The following CPA6 variants were observed in gnomAD, a reference collection of about 807,000 sequenced individuals.
The protein encoded by CPA6 is carboxypeptidase A6, also known as carboxypeptidase B.
In CPA6, 58 loss-of-function variants were observed where a neutral mutation model predicts 63.3. The observed-to-expected ratio is 0.92, with a 90% CI of 0.74 to 1.14. The LOEUF (loss-of-function observed/expected upper bound fraction) is 1.14. Among genes scored for constraint, CPA6 ranks in the 50% most tolerant of loss-of-function variants. The probability of loss-of-function intolerance (pLI) is 0.00; values close to 1 mark genes in which losing one functional copy is unlikely to be tolerated. For synonymous variants in CPA6, 185 were observed against 179.0 expected (o/e 1.03, Z -0.27); for missense variants, 565 against 526.6 (o/e 1.07, Z -0.71).
intron 2 of CPA6, among the ~76,000 whole-genome samples, chr8:67,578,780 ATTAAC>A (rs561367580): frequency 2.6e-5 from 4 of 152,230 alleles, no homozygotes; most frequent in Admixed American, 1.3e-4. Flanking sequence ...CATCATTTTC[ATTAAC>A]TTAAGTTCAG....
intron 2 of CPA6, among the ~76,000 whole-genome samples, chr8:67,598,907 T>C (rs1814417162): frequency 6.6e-6 from 1 of 152,158 alleles, no homozygotes; most frequent in South Asian, 2.1e-4. Context: ...TTAAGTGTTT[T>C]TTTTTAATAC....
At chr8:67,554,618 A>C (rs765802901) in intron 2 of CPA6, among the ~76,000 whole-genome samples, 4 of 152,224 alleles carry the variant, frequency 2.6e-5, no homozygotes, top group African/African-American at 4.8e-5. Context: ...AGCCCTTAGC[A>C]TGACTCAGTC....
At chr8:67,713,808 T>C (rs1428933916) in intron 1 of CPA6, among the ~76,000 whole-genome samples, 1 of 152,208 alleles carries the variant, frequency 6.6e-6, no homozygotes, top group African/African-American at 2.4e-5. Flanking sequence ...TACTGGCCAG[T>C]GGAAGTGCTG....
chr8:67,607,251 T>TCTCCTCCTCCTCCTC (rs1307098146), intron 2 of CPA6, among the ~76,000 whole-genome samples: 22 of 81,150 alleles, frequency 2.7e-4, no homozygotes, highest in South Asian at 4.0e-4. Context: ...TTCTTCTTCT[T>TCTCCTCCTCCTCCTC]CTCCTCCTCC....
intron 2 of CPA6, among the ~76,000 whole-genome samples, chr8:67,551,438 T>C (rs1280086856): frequency 6.6e-6 from 1 of 152,232 alleles, no homozygotes; most frequent in African/African-American, 2.4e-5. Context: ...ATAGTATAGT[T>C]TGAAATCAGG....
At chr8:67,612,757 C>A (rs1424420286) in intron 2 of CPA6, among the ~76,000 whole-genome samples, 1 of 152,124 alleles carries the variant, frequency 6.6e-6, no homozygotes, top group Non-Finnish European at 1.5e-5. Flanking sequence ...GATGAATATG[C>A]AAAAGCTTCT....
intron 6 of CPA6, among the ~76,000 whole-genome samples, chr8:67,501,057 C>T (rs1304763032): frequency 6.6e-6 from 1 of 152,020 alleles, no homozygotes; most frequent in Non-Finnish European, 1.5e-5. Flanking sequence ...ACTTCCTTTG[C>T]CATTCCATAT....
At chr8:67,502,166 A>G (rs1239555350) in intron 6 of CPA6, among the ~76,000 whole-genome samples, 1 of 152,074 alleles carries the variant, frequency 6.6e-6, no homozygotes, top group East Asian at 1.9e-4. Flanking sequence ...AATTTTATCT[A>G]TCTTTTAAAA....
At chr8:67,466,642 A>AT (rs1437962088) in intron 8 of CPA6, among the ~76,000 whole-genome samples, 1 of 152,056 alleles carries the variant, frequency 6.6e-6, no homozygotes, top group African/African-American at 2.4e-5. Flanking sequence ...CATCCCAGAG[A>AT]TTTTGTATGT....
intron 2 of CPA6, among the ~76,000 whole-genome samples, chr8:67,554,793 G>T (rs1034410535): frequency 6.6e-6 from 1 of 152,142 alleles, no homozygotes; most frequent in Non-Finnish European, 1.5e-5. Flanking sequence ...GGCTCTGGGA[G>T]AGAGTGCCCA....
chr8:67,448,117 T>G (rs1810471429), intron 8 of CPA6, among the ~76,000 whole-genome samples: 1 of 152,204 alleles, frequency 6.6e-6, no homozygotes, highest in African/African-American at 2.4e-5. Flanking sequence ...TGTGCTTGTG[T>G]TCATACTTTA....
At chr8:67,548,830 C>T (rs989837884) in intron 2 of CPA6, among the ~76,000 whole-genome samples, 4 of 152,186 alleles carry the variant, frequency 2.6e-5, no homozygotes, top group Admixed American at 2.6e-4. Flanking sequence ...TGTGCAGAAA[C>T]ACCAGCTCAG....
chr8:67,627,511 G>A (rs570399644), intron 1 of CPA6, among the ~76,000 whole-genome samples: 43 of 152,286 alleles, frequency 2.8e-4, no homozygotes, highest in African/African-American at 1.0e-3. Context: ...ACCCTTTGGG[G>A]TTAAGATGAG....
chr8:67,689,873 C>T (rs149846573), intron 1 of CPA6, among the ~76,000 whole-genome samples: 80 of 152,328 alleles, frequency 5.3e-4, no homozygotes, highest in Middle Eastern at 3.4e-3. Flanking sequence ...ATTGGCTGAA[C>T]TAATTTATAT....
At chr8:67,459,731 C>T (rs1237760509) in intron 8 of CPA6, among the ~76,000 whole-genome samples, 1 of 152,130 alleles carries the variant, frequency 6.6e-6, no homozygotes, top group African/African-American at 2.4e-5. Context: ...GAATGAATTC[C>T]AGTGTAAACT....
chr8:67,506,567 T>C (rs1811930171), intron 6 of CPA6, among the ~76,000 whole-genome samples: 1 of 152,176 alleles, frequency 6.6e-6, no homozygotes, highest in Non-Finnish European at 1.5e-5. Context: ...TTCTCTGTAA[T>C]GAGAGCTGCC....
At chr8:67,491,759 T>C (rs756020252) in intron 6 of CPA6, among the ~76,000 whole-genome samples, 12 of 152,216 alleles carry the variant, frequency 7.9e-5, no homozygotes, top group Non-Finnish European at 1.5e-4. Context: ...GGCTCTTATA[T>C]ACACAAATTT....
chr8:67,538,060 T>C (rs1244404518), intron 2 of CPA6, among the ~76,000 whole-genome samples: 1 of 152,198 alleles, frequency 6.6e-6, no homozygotes, highest in African/African-American at 2.4e-5. Flanking sequence ...CTGTTTGTTA[T>C]GATTTCTGTT....
chr8:67,533,330 T>A (rs753053231), intron 2 of CPA6, among the ~76,000 whole-genome samples: 1 of 152,224 alleles, frequency 6.6e-6, no homozygotes, highest in African/African-American at 2.4e-5. Context: ...AGATTGATAA[T>A]TGTTAACTGT....
Sources: allele counts gnomAD v4.1 joint callset (sites outside exome capture counted in the v4.1 genomes callset), GRCh38; gene constraint gnomAD v4.1.1; transcripts MANE v1.5; gene names NCBI Gene and HGNC (gene_info 2026-07-23, HGNC 2026-07-21).